LRRK2: variants seen among roughly 807,000 people sequenced by gnomAD.
The protein encoded by LRRK2 is leucine-rich repeat serine/threonine-protein kinase 2.
LRRK2 carries 203 observed loss-of-function variants against 302.6 expected under a neutral mutation model. The ratio of observed to expected loss-of-function variants is 0.67; its 90% confidence interval spans 0.60 to 0.75. The LOEUF (loss-of-function observed/expected upper bound fraction) is 0.75, where lower values mean the gene tolerates loss of function less well. Among genes scored for constraint, LRRK2 ranks in the 30% least tolerant of loss-of-function variants. The probability of loss-of-function intolerance (pLI) is 0.00; values close to 1 mark genes in which losing one functional copy is unlikely to be tolerated. For synonymous variants in LRRK2, 1,066 were observed against 1,031.9 expected (o/e 1.03, Z -0.63); for missense variants, 2,830 against 2,951.0 (o/e 0.96, Z 0.95).
rs753788515 is a variant in LRRK2, at chr12:40,251,405, A to G, written c.1101+31A>G. On this transcript the variant is annotated intron_variant, in intron 9 of 50. Transcript: ENST00000298910. ...ACTCTCATAAATATTAGAGTTATTC[A>G]AAATTATGTTTTCCAGTCATTTATA... 5.1e-5 allele frequency: 82 copies of G among 1,613,484 alleles called. 1 individual carries two copies. The South Asian group carries it at 6.5e-4, about 13-fold the overall frequency.
chr12:40,333,018 C>T (rs1264284569), intron 39 of LRRK2, among the ~76,000 whole-genome samples: 3 of 151,160 alleles, frequency 2.0e-5, no homozygotes, highest in African/African-American at 7.3e-5. Context: ...ATTTGACGGT[C>T]ATTCTACCAG....
intron 5 of LRRK2, among the ~76,000 whole-genome samples, chr12:40,238,419 G>A (rs147696425): frequency 3.3e-5 from 5 of 152,134 alleles, no homozygotes; most frequent in Admixed American, 3.3e-4. Context: ...GTGAAGCCAA[G>A]CATAGGTTAC....
chr12:40,241,775 C>T lies in LRRK2; in HGVS notation c.706+1158C>T, dbSNP rs149316856. Among the ~76,000 whole-genome samples, 148 of 152,230 alleles carry T rather than the reference C, an allele frequency of 9.7e-4. 1 individual carries two copies. The South Asian group carries it at 0.015, about 16-fold the overall frequency. ...GTGTCAATCTGAAGGTGTGAGCCTT[C>T]GGTGTAGGCAGAGTAAAACCCAATG... On this transcript the variant is annotated intron_variant, in intron 6 of 50. Transcript: ENST00000298910.
intron 2 of LRRK2, among the ~76,000 whole-genome samples, chr12:40,230,671 T>C: frequency 6.7e-6 from 1 of 149,790 alleles, no homozygotes; most frequent in East Asian, 1.9e-4. Flanking sequence ...ACTTTCTCTT[T>C]TTTTTTTTTT....
intron 14 of LRRK2, among the ~76,000 whole-genome samples, chr12:40,272,141 A>G (rs1169323268): frequency 6.6e-6 from 1 of 152,136 alleles, no homozygotes; most frequent in African/African-American, 2.4e-5. Flanking sequence ...GTGACAACAG[A>G]GCATTGAAGC....
Position 40,347,610 on chromosome 12 carries a change from G to A in LRRK2, c.6280+687G>A, listed in dbSNP as rs185110474. ...GCAAAAGAAAACTTATTATTAATTG[G>A]ATAAACCTTAGATATAATCTAGGTT... On this transcript the variant is annotated intron_variant, in intron 42 of 50. Transcript: ENST00000298910. Among the ~76,000 whole-genome samples, 325 of 152,252 alleles carry A rather than the reference G, an allele frequency of 2.1e-3. 2 individuals are homozygous for A. The highest frequency in any genetic ancestry group is 6.8e-3 in the Middle Eastern group (2 of 294).
intron 3 of LRRK2, among the ~76,000 whole-genome samples, chr12:40,235,365 A>G (rs1941403009): frequency 6.6e-6 from 1 of 152,162 alleles, no homozygotes; most frequent in Non-Finnish European, 1.5e-5. Context: ...CTAGCAACTC[A>G]GGAGGCTGAG....
intron 32 of LRRK2, 44 bp downstream of exon 32, chr12:40,314,217 A>G (rs1299476010): frequency 6.4e-7 from 1 of 1,558,956 alleles, no homozygotes; most frequent in Admixed American, 1.7e-5. Context: ...AGCTGTAGTA[A>G]CTTATAAAAG....
At chr12:40,301,204 C>T in intron 25 of LRRK2, 1 of 436,820 alleles carries the variant, frequency 2.3e-6, no homozygotes, top group Non-Finnish European at 4.6e-6. Context: ...GACATCTGAG[C>T]AGGACCACTA....
At chr12:40,312,814 G>A (rs1221519495) in intron 31 of LRRK2, 7 of 151,788 alleles carry the variant, frequency 4.6e-5, no homozygotes, top group Admixed American at 4.6e-4. Context: ...TTTATATGGA[G>A]GTTTCCTGCC....
chr12:40,257,623 A>T (rs1005502627), intron 12 of LRRK2, among the ~76,000 whole-genome samples: 1 of 152,212 alleles, frequency 6.6e-6, no homozygotes, highest in East Asian at 1.9e-4. Flanking sequence ...CTTGATGTTG[A>T]CTATATTTTG....
chr12:40,273,373 A>G (rs565898969), intron 14 of LRRK2, among the ~76,000 whole-genome samples: 81 of 152,328 alleles, frequency 5.3e-4, no homozygotes, highest in African/African-American at 1.9e-3. Context: ...AAGATGATAA[A>G]TGAAATGATG....
chr12:40,359,485 C>G, intron 47 of LRRK2, 41 bp downstream of exon 47: 1 of 1,568,806 alleles, frequency 6.4e-7, no homozygotes, highest in Non-Finnish European at 8.7e-7. Context: ...TATCATTATA[C>G]TTTTGTTTTT....
chr12:40,321,266 G>A (rs1592285256), intron 35 of LRRK2, 78 bp downstream of exon 35: 1 of 1,349,520 alleles, frequency 7.4e-7, no homozygotes. Flanking sequence ...AAATTAGGGA[G>A]ATGGCATATG....
At chr12:40,264,360 C>T (rs1315915902) in intron 14 of LRRK2, among the ~76,000 whole-genome samples, 1 of 152,198 alleles carries the variant, frequency 6.6e-6, no homozygotes, top group African/African-American at 2.4e-5. Context: ...GTGGCCCACA[C>T]CTGTAATCCC....
chr12:40,232,481 T>G, intron 3 of LRRK2, 98 bp downstream of exon 3: 1 of 875,164 alleles, frequency 1.1e-6, no homozygotes, highest in South Asian at 1.4e-5. Context: ...CCAAGGCTAC[T>G]CCTGTGGAAT....
At chr12:40,298,924 T>G (rs905635070) in intron 24 of LRRK2, among the ~76,000 whole-genome samples, 185 bp from the exon 25 acceptor site, 2 of 137,466 alleles carry the variant, frequency 1.5e-5, no homozygotes, top group Non-Finnish European at 3.1e-5. Context: ...TTATTATATA[T>G]ATAATAAAAG....
chr12:40,232,041 G>A (rs1168815041), intron 2 of LRRK2, among the ~76,000 whole-genome samples: 1 of 151,884 alleles, frequency 6.6e-6, no homozygotes, highest in East Asian at 1.9e-4. Context: ...CGGCTGAAAT[G>A]TTGTATTTTT....
chr12:40,259,402 T>C, intron 12 of LRRK2, 78 bp from the exon 13 acceptor site: 1 of 1,571,488 alleles, frequency 6.4e-7, no homozygotes, highest in Non-Finnish European at 8.7e-7. Context: ...TCTGCCCTCC[T>C]GTACTTATTT....
Sources: gnomAD v4.1 joint callset for allele counts (sites outside exome capture counted in the v4.1 genomes callset) on GRCh38, gnomAD v4.1.1 for gene constraint, MANE v1.5 for transcripts, NCBI Gene and HGNC (gene_info 2026-07-23, HGNC 2026-07-21) for gene names.